PER3: variants seen among roughly 807,000 people sequenced by gnomAD.
PER3 encodes period circadian protein homolog 3.
In PER3, 107 loss-of-function variants were observed where a neutral mutation model predicts 127.2. That is an observed-to-expected ratio of 0.84 (90% CI 0.72 to 0.99). The LOEUF is 0.99. PER3 is among the 50% of genes least tolerant of loss of function. The pLI is 0.00. For synonymous variants in PER3, 618 were observed against 585.8 expected (o/e 1.05, Z -0.79); for missense variants, 1,560 against 1,525.8 (o/e 1.02, Z -0.37).
At chr1:7,816,015 A>G (rs920594852) in intron 13 of PER3, among the ~76,000 whole-genome samples, 5 of 148,360 alleles carry the variant, frequency 3.4e-5, no homozygotes, top group African/African-American at 1.3e-4. Flanking sequence ...AAAAAAAAAA[A>G]AATTGAATTG....
rs112323665 is a variant in PER3, at chr1:7,837,826, C to T, written c.3549+677C>T. ...CAGTGGCTCACGTCTGTAATCCCAG[C>T]ACTTTGGGAGGCCAAGGTGAGAGGA... On this transcript the variant is annotated intron_variant, in intron 21 of 21. Coordinates refer to ENST00000377532, the MANE Select transcript of PER3 (RefSeq NM_001377275.1). Among the ~76,000 whole-genome samples, 1,305 of 152,296 alleles carry T rather than the reference C, an allele frequency of 8.6e-3. 19 individuals are homozygous for T. Among genetic ancestry groups the T allele is most frequent in the African/African-American group, 0.03 (1,257 of 41,546 alleles).
chr1:7,804,261 T>C (rs754548276), intron 10 of PER3, among the ~76,000 whole-genome samples: 15 of 151,404 alleles, frequency 9.9e-5, no homozygotes, highest in Non-Finnish European at 2.1e-4. Flanking sequence ...AAATAAAATA[T>C]GAATTTTGGT....
intron 16 of PER3, among the ~76,000 whole-genome samples, chr1:7,822,952 GGGAGGCTGAGACA>G (rs1417618769): frequency 6.6e-6 from 1 of 152,140 alleles, no homozygotes; most frequent in Non-Finnish European, 1.5e-5. Context: ...CCAGCTACTT[GGGAGGCTGAGACA>G]GGAGGATCAA....
chr1:7,803,581 C>T, intron 9 of PER3, 111 bp from the exon 10 acceptor site: 1 of 698,530 alleles, frequency 1.4e-6, no homozygotes, highest in East Asian at 2.7e-5. Context: ...GAGCGAGACT[C>T]AATCTCAAAA....
intron 5 of PER3, among the ~76,000 whole-genome samples, chr1:7,788,781 G>A (rs2097104201): frequency 6.6e-6 from 1 of 152,088 alleles, no homozygotes; most frequent in African/African-American, 2.4e-5. Flanking sequence ...GTGCATGCCT[G>A]TAATCCCAGC....
chr1:7,844,078 G>A lies in PER3; in HGVS notation c.*1323G>A, dbSNP rs1415648425. On this transcript the variant is annotated 3_prime_UTR_variant, in exon 22 of 22. Transcript: ENST00000377532. ...TTTTTGGTTTTTTATGGTTTTTTAAGGAAAATACTTTTCTCCTTTGAAGTT... is the reference window on the plus strand; with the variant it reads ...TTTTTGGTTTTTTATGGTTTTTTAAAGAAAATACTTTTCTCCTTTGAAGTT... 3 of 681,628 alleles carry A rather than the reference G, an allele frequency of 4.4e-6. No individual in the cohort carries two copies. The highest frequency in any genetic ancestry group is 5.8e-6 in the Non-Finnish European group (3 of 520,114). 42.2% of individuals were successfully genotyped at this position (681,628 alleles called of 1,614,324 possible).
chr1:7,827,268 C>CCTCCGCGGCCTCCT lies in PER3; in HGVS notation c.2346_2359dup (p.His787ArgfsTer75), dbSNP rs766413444. On this transcript the variant is annotated frameshift_variant, in exon 18 of 22. Coordinates refer to ENST00000377532, the MANE Select transcript of PER3 (RefSeq NM_001377275.1). LOFTEE classifies it high-confidence loss of function. ...CATCAGAACGCACAGCCCTGCTGCC[C>CCTCCGCGGCCTCCT]CTCCGCGGCCTCCTCTCCGCACACC... The CCTCCGCGGCCTCCT allele has an allele frequency of 3.1e-6, 5 of 1,613,730 alleles. No homozygotes were observed. In the South Asian group the frequency reaches 4.4e-5, roughly 14 times the overall value.
chr1:7,803,993 C>T (rs1309762773), intron 10 of PER3, 145 bp downstream of exon 10: 2 of 634,614 alleles, frequency 3.2e-6, no homozygotes, highest in Non-Finnish European at 2.7e-6. Context: ...GACAGTTTGA[C>T]AGTGTGTACC....
In PER3 at chr1:7,808,971, A is replaced by C; in HGVS notation, c.1215A>C (p.Gln405His). The change falls in exon 11 of 22, where the codon CAA (glutamine) becomes CAC (histidine). Residue 405 changes from glutamine (Q) to histidine (H), a missense_variant. Around this residue, in one of 3 missense-constraint regions of PER3, gnomAD observed 1,332 missense variants for 1,223.6 expected, o/e 1.09. Transcript: ENST00000377532. ...NDNDKDITEL[Q>H]EQIYKLLLQP... ...ATGACAAAGACATAACAGAATTACAAGAACAAATTTACAAACTTCTCTTAC... is the reference window on the plus strand; with the variant it reads ...ATGACAAAGACATAACAGAATTACACGAACAAATTTACAAACTTCTCTTAC... 1 of 1,572,446 alleles carries C rather than the reference A, an allele frequency of 6.4e-7. No individual in the cohort carries two copies. The highest frequency in any genetic ancestry group is 1.1e-5 in the South Asian group (1 of 89,206).
At chr1:7,815,927 A>G (rs1021518786) in intron 13 of PER3, among the ~76,000 whole-genome samples, 1 of 146,568 alleles carries the variant, frequency 6.8e-6, no homozygotes, top group Admixed American at 7.2e-5. Context: ...CAGGAGGTGG[A>G]ACTTGCAGTG....
At position 7,810,009 on chromosome 1, in the gene PER3, G is replaced by A. The variant is rs368254203; in HGVS notation, c.1359G>A (p.Thr453=). 62 of 1,613,550 alleles carry A rather than the reference G, an allele frequency of 3.8e-5. No individual in the cohort carries two copies. Among genetic ancestry groups the A allele is most frequent in the Non-Finnish European group, 4.3e-5 (51 of 1,179,714 alleles). The change falls in exon 12 of 22, where the codon ACG becomes ACA. Residue 453 remains threonine, a synonymous_variant. Coordinates refer to ENST00000377532, the MANE Select transcript of PER3 (RefSeq NM_001377275.1). The part of the protein sequence containing the change: ...SEASGHRVEE[T]KAEQMTLQQV... The stretch of plus-strand genomic sequence containing the variant: ...CCAGTGGGCACCGTGTGGAGGAGAC[G>A]AAGGCGGAGCAGGTGCATGGGCTTA...
rs2097263735 is a variant in PER3 at position 7,818,980 on chromosome 1, A to G, written c.1523-305A>G. On this transcript the variant is annotated intron_variant, in intron 13 of 21. Coordinates refer to ENST00000377532, the MANE Select transcript of PER3 (RefSeq NM_001377275.1). ...GCTTAACATTGGAAAGCTCCCCATC[A>G]ACCTTAAACCTATGGTTTCATTCCT... Among the ~76,000 whole-genome samples, 3 of 152,222 alleles carry G rather than the reference A, an allele frequency of 2.0e-5. No individual in the cohort carries two copies. In the South Asian group the frequency reaches 6.2e-4, roughly 32 times the overall value.
In PER3 at chr1:7,800,691, G is replaced by A. The variant is rs189402649; in HGVS notation, c.794-422G>A. Among the ~76,000 whole-genome samples, 835 of 152,022 alleles carry A rather than the reference G, an allele frequency of 5.5e-3. 6 individuals are homozygous for A. The highest frequency in any genetic ancestry group is 0.01 in the Middle Eastern group (3 of 294). The stretch of plus-strand genomic sequence containing the variant: ...AATGATTTATGATGAGCCAGGTGTG[G>A]TGGCAGGCGCCTGTAATCCCAGCTA... On this transcript the variant is annotated intron_variant, in intron 7 of 21. Transcript: ENST00000377532.
chr1:7,839,370 A>ATAT (rs2097373519), intron 21 of PER3, among the ~76,000 whole-genome samples: 1 of 152,248 alleles, frequency 6.6e-6, no homozygotes, highest in Non-Finnish European at 1.5e-5. Flanking sequence ...CAAAGTTAAA[A>ATAT]TAATACTGGA....
At chr1:7,795,460 C>G (rs1435133816) in intron 6 of PER3, among the ~76,000 whole-genome samples, 1 of 152,168 alleles carries the variant, frequency 6.6e-6, no homozygotes, top group African/African-American at 2.4e-5. Flanking sequence ...TCCAGGAACT[C>G]TTAGGAAGTC....
intron 21 of PER3, among the ~76,000 whole-genome samples, chr1:7,841,047 C>G (rs1484514923): frequency 6.6e-6 from 1 of 152,158 alleles, no homozygotes; most frequent in Non-Finnish European, 1.5e-5. Flanking sequence ...TTTGGCTTCC[C>G]TGGGCCACAT....
chr1:7,792,752 C>T (rs2097127787), intron 5 of PER3, among the ~76,000 whole-genome samples: 1 of 152,188 alleles, frequency 6.6e-6, no homozygotes, highest in Non-Finnish European at 1.5e-5. Context: ...CTTGTACAAA[C>T]CTCTTAGAAG....
At chr1:7,821,948 C>T (rs1237318663) in intron 16 of PER3, among the ~76,000 whole-genome samples, 1 of 152,198 alleles carries the variant, frequency 6.6e-6, no homozygotes, top group African/African-American at 2.4e-5. Flanking sequence ...TTAATGTCTT[C>T]ATTTTATGTG....
chr1:7,827,159 A>T lies in PER3; in HGVS notation c.2230A>T (p.Lys744Ter), dbSNP rs566327423. 4 of 1,610,022 alleles carry T rather than the reference A, an allele frequency of 2.5e-6. No individual in the cohort carries two copies. In the East Asian group the frequency reaches 8.9e-5, roughly 36 times the overall value. The change falls in exon 18 of 22, where the codon AAA (lysine) becomes TAA (stop). Residue 744 changes from lysine to a stop codon, truncating the protein, a stop_gained. Transcript: ENST00000377532. LOFTEE classifies it high-confidence loss of function. ...GCAGACGCGGTCGGCCGGCTGCAGG[A>T]AAGGGAAGCACAAGCGGAAGAAGCT... ...SKQTRSAGCR[K>*]GKHKRKKLPE...
Sources: gnomAD v4.1 joint callset for allele counts (sites outside exome capture counted in the v4.1 genomes callset) on GRCh38, gnomAD v4.1.1 for gene constraint, gnomAD v4.1.1 regional missense constraint, MANE v1.5 for transcripts, NCBI Gene and HGNC (gene_info 2026-07-23, HGNC 2026-07-21) for gene names.